Variants in TENM3 observed in about 807,000 individuals in gnomAD.
TENM3 encodes the protein teneurin transmembrane protein 3.
Under a neutral mutation model 255.1 loss-of-function variants are expected in TENM3, and 63 were observed. The ratio of observed to expected loss-of-function variants is 0.25; its 90% CI spans 0.20 to 0.30. The LOEUF is 0.30. Ranked by LOEUF, TENM3 falls within the 10% of genes least tolerant of loss-of-function variation. TENM3 has a pLI of 1.00. For synonymous variants in TENM3, 1,306 were observed against 1,322.3 expected (o/e 0.99, Z 0.27); for missense variants, 2,929 against 3,461.1 (o/e 0.85, Z 3.86).
intron 1 of TENM3, among the ~76,000 whole-genome samples, chr4:182,300,934 C>A (rs955640134): frequency 2.4e-4 from 36 of 152,206 alleles, no homozygotes; most frequent in African/African-American, 8.2e-4. Flanking sequence ...CTTAGCCTGG[C>A]ATTTCCAGCC....
intron 3 of TENM3, among the ~76,000 whole-genome samples, chr4:182,425,140 T>C (rs543542557): frequency 6.6e-6 from 1 of 152,330 alleles, no homozygotes; most frequent in Admixed American, 6.5e-5. Flanking sequence ...ACTCTTTACT[T>C]TTCACTCCAT....
chr4:181,656,198 T>C, the TENM3 span, among the ~76,000 whole-genome samples: 1 of 152,152 alleles, frequency 6.6e-6, no homozygotes, highest in Non-Finnish European at 1.5e-5. Context: ...TTGAGGCACC[T>C]ATCTGCAGAG....
the TENM3 span, among the ~76,000 whole-genome samples, chr4:181,641,554 GTATATATATATATATATATATATATA>G: frequency 3.7e-4 from 10 of 26,910 alleles, no homozygotes; most frequent in Admixed American, 6.9e-4. Context: ...TGGTGTGTGT[GTATATATATATATATATATATATATA>G]TATATATATA....
At chr4:181,509,266 T>C in the TENM3 span, among the ~76,000 whole-genome samples, 1 of 152,076 alleles carries the variant, frequency 6.6e-6, no homozygotes, top group Non-Finnish European at 1.5e-5. Flanking sequence ...GGAATGTGGG[T>C]GAATTATCAG....
chr4:181,783,404 G>A, the TENM3 span, among the ~76,000 whole-genome samples: 9 of 152,080 alleles, frequency 5.9e-5, no homozygotes, highest in Non-Finnish European at 7.4e-5. Context: ...GCCAATTCTG[G>A]TGACAATACC....
the TENM3 span, among the ~76,000 whole-genome samples, chr4:181,503,378 T>C: frequency 7.3e-4 from 111 of 152,202 alleles, no homozygotes; most frequent in African/African-American, 2.6e-3. Context: ...AAAAGTTAAA[T>C]TAAATTAAAT....
the TENM3 span, among the ~76,000 whole-genome samples, chr4:181,690,575 C>T: frequency 1.3e-5 from 2 of 151,954 alleles, no homozygotes; most frequent in Admixed American, 1.3e-4. Context: ...AATTTATGCT[C>T]AACGAAATTG....
At chr4:181,753,991 G>A in the TENM3 span, among the ~76,000 whole-genome samples, 1 of 152,126 alleles carries the variant, frequency 6.6e-6, no homozygotes, top group Non-Finnish European at 1.5e-5. Flanking sequence ...GTAAAATGAT[G>A]TGGGGAAAGA....
At chr4:181,663,239 T>C in the TENM3 span, among the ~76,000 whole-genome samples, 1 of 152,186 alleles carries the variant, frequency 6.6e-6, no homozygotes, top group Non-Finnish European at 1.5e-5. Context: ...TTCCTGTTCC[T>C]GAAGCGTCTG....
chr4:182,576,193 C>T (rs114459975), intron 3 of TENM3, among the ~76,000 whole-genome samples: 1 of 152,252 alleles, frequency 6.6e-6, no homozygotes, highest in African/African-American at 2.4e-5. Flanking sequence ...CCTAGCAAAA[C>T]CAAGTTTCTT....
At chr4:181,806,788 A>G in the TENM3 span, among the ~76,000 whole-genome samples, 1 of 152,250 alleles carries the variant, frequency 6.6e-6, no homozygotes, top group Non-Finnish European at 1.5e-5. Context: ...AAAACAGACT[A>G]AGATACCACG....
chr4:181,933,528 C>T, the TENM3 span, among the ~76,000 whole-genome samples: 7 of 152,136 alleles, frequency 4.6e-5, no homozygotes, highest in Non-Finnish European at 1.0e-4. Flanking sequence ...ATATTATATT[C>T]AGAGACGTAA....
chr4:182,720,385 G>C (rs1463392461), intron 13 of TENM3, among the ~76,000 whole-genome samples: 1 of 152,040 alleles, frequency 6.6e-6, no homozygotes, highest in African/African-American at 2.4e-5. Flanking sequence ...AATTACAAGA[G>C]ATCACAAGTA....
intron 3 of TENM3, among the ~76,000 whole-genome samples, chr4:182,494,893 C>T (rs972307181): frequency 1.3e-4 from 20 of 152,110 alleles, no homozygotes; most frequent in African/African-American, 4.1e-4. Context: ...AGTGAGATGA[C>T]GTTTATTAGA....
chr4:181,476,310 C>G, the TENM3 span, among the ~76,000 whole-genome samples: 2 of 151,186 alleles, frequency 1.3e-5, no homozygotes, highest in South Asian at 2.1e-4. Flanking sequence ...CAGGCTGGCT[C>G]CGAATGCAGC....
At chr4:181,474,118 A>G in the TENM3 span, among the ~76,000 whole-genome samples, 2 of 152,092 alleles carry the variant, frequency 1.3e-5, no homozygotes, top group African/African-American at 4.8e-5. Context: ...CAATGAGAAC[A>G]CATGGACACA....
chr4:182,176,003 A>C (rs1362636319), intron 1 of TENM3, among the ~76,000 whole-genome samples: 2 of 151,622 alleles, frequency 1.3e-5, no homozygotes, highest in Non-Finnish European at 2.9e-5. Flanking sequence ...AACATTAACT[A>C]TGCCTTGAAC....
intron 4 of TENM3, among the ~76,000 whole-genome samples, chr4:182,603,499 A>G (rs1748096120): frequency 6.6e-6 from 1 of 152,080 alleles, no homozygotes; most frequent in Admixed American, 6.5e-5. Flanking sequence ...TGCAGTACTC[A>G]GTGAGTGAAG....
the TENM3 span, among the ~76,000 whole-genome samples, chr4:181,861,394 A>G: frequency 1.3e-5 from 2 of 152,182 alleles, no homozygotes; most frequent in Admixed American, 6.5e-5. Flanking sequence ...TATGCCAATC[A>G]GAAGTCTTTA....
Sources: gnomAD v4.1 joint callset for allele counts (sites outside exome capture counted in the v4.1 genomes callset) on GRCh38, gnomAD v4.1.1 for gene constraint, MANE v1.5 for transcripts, NCBI Gene and HGNC (gene_info 2026-07-23, HGNC 2026-07-21) for gene names.